The following SLC35F1 variants were observed in gnomAD, a reference collection of about 807,000 sequenced individuals.
SLC35F1 encodes chromosome 6 open reading frame 169.
SLC35F1 carries 14 observed loss-of-function variants against 48.7 expected under a neutral mutation model. The ratio of observed to expected loss-of-function variants is 0.29; its 90% CI spans 0.19 to 0.45. The LOEUF is 0.45. SLC35F1 is among the 20% of genes least tolerant of loss of function. The pLI is 1.00. For synonymous variants in SLC35F1, 190 were observed against 202.2 expected, an observed-to-expected ratio of 0.94 and a Z score of 0.51; for missense variants, 404 against 500.0, an observed-to-expected ratio of 0.81 and a Z score of 1.83.
At chr6:118,117,095 A>AG (rs1218144516) in intron 1 of SLC35F1, among the ~76,000 whole-genome samples, 1 of 152,174 alleles carries the variant, frequency 6.6e-6, no homozygotes, top group Admixed American at 6.6e-5. Flanking sequence ...CTGCCATCTG[A>AG]GGCGTTATGT....
chr6:118,082,524 G>A lies in SLC35F1; in HGVS notation c.174-71921G>A, dbSNP rs1772926665. On this transcript the variant is annotated intron_variant, in intron 1 of 7. Coordinates refer to ENST00000360388, the MANE Select transcript of SLC35F1 (RefSeq NM_001029858.4). Reference sequence around the variant, plus strand: ...GTCTGTCTTTTCCTTAAAGCTTTGTGATCAGGCTTCTTTTAGTTACAAGTA... The same window carrying A: ...GTCTGTCTTTTCCTTAAAGCTTTGTAATCAGGCTTCTTTTAGTTACAAGTA... Among the ~76,000 whole-genome samples the A allele has an allele frequency of 2.0e-5, 3 of 151,958 alleles. No individual in the cohort carries two copies. The South Asian group carries it at 6.2e-4, about 32-fold the overall frequency.
At chr6:118,067,160 A>C (rs566893462) in intron 1 of SLC35F1, among the ~76,000 whole-genome samples, 1 of 152,348 alleles carries the variant, frequency 6.6e-6, no homozygotes, top group Admixed American at 6.5e-5. Flanking sequence ...ATCATGGATC[A>C]CTGGGCAATG....
intron 1 of SLC35F1, among the ~76,000 whole-genome samples, chr6:118,086,664 G>A (rs930711593): frequency 1.3e-5 from 2 of 152,140 alleles, no homozygotes; most frequent in Non-Finnish European, 2.9e-5. Context: ...TCTAATTTAG[G>A]ATGCTCTTAT....
At chr6:118,183,086 A>T (rs1194788756) in intron 2 of SLC35F1, among the ~76,000 whole-genome samples, 1 of 152,216 alleles carries the variant, frequency 6.6e-6, no homozygotes, top group Admixed American at 6.5e-5. Context: ...AGTAAGAAGA[A>T]CTGTATGGCT....
intron 1 of SLC35F1, among the ~76,000 whole-genome samples, chr6:118,030,355 A>C (rs1227978852): frequency 2.0e-5 from 3 of 152,192 alleles, no homozygotes; most frequent in African/African-American, 7.2e-5. Context: ...GTCTCCCATC[A>C]GTGACAGCAC....
intron 2 of SLC35F1, among the ~76,000 whole-genome samples, chr6:118,196,836 G>A (rs77463939): frequency 0.018 from 2,677 of 152,084 alleles, 80 homozygotes; most frequent in African/African-American, 0.06. Flanking sequence ...TAACATTTAG[G>A]TATTTAATTC....
chr6:117,929,376 G>GATCT (rs550436126), intron 1 of SLC35F1, among the ~76,000 whole-genome samples: 9 of 151,030 alleles, frequency 6.0e-5, no homozygotes, highest in South Asian at 2.1e-4. Context: ...GTGTCAATAG[G>GATCT]ATCTATCTAT....
intron 2 of SLC35F1, among the ~76,000 whole-genome samples, chr6:118,174,367 G>A (rs548220619): frequency 9.9e-5 from 15 of 152,160 alleles, no homozygotes; most frequent in African/African-American, 3.6e-4. Flanking sequence ...GAGAGATCAG[G>A]CACCTATTTT....
At chr6:118,162,493 A>G (rs1431384522) in intron 2 of SLC35F1, among the ~76,000 whole-genome samples, 1 of 152,182 alleles carries the variant, frequency 6.6e-6, no homozygotes, top group Non-Finnish European at 1.5e-5. Context: ...TCTTCAAACT[A>G]TACACTTAAA....
At chr6:117,931,858 C>G (rs1489058820) in intron 1 of SLC35F1, among the ~76,000 whole-genome samples, 1 of 152,196 alleles carries the variant, frequency 6.6e-6, no homozygotes, top group African/African-American at 2.4e-5. Flanking sequence ...AGAGTTACCT[C>G]CAGATCAAGG....
chr6:118,218,022 G>T (rs901453616), intron 2 of SLC35F1, among the ~76,000 whole-genome samples: 8 of 152,184 alleles, frequency 5.3e-5, no homozygotes, highest in African/African-American at 1.9e-4. Flanking sequence ...CCACAGACTG[G>T]ATGGATGGCC....
chr6:118,055,209 A>G (rs1381358673), intron 1 of SLC35F1, among the ~76,000 whole-genome samples: 1 of 152,206 alleles, frequency 6.6e-6, no homozygotes, highest in African/African-American at 2.4e-5. Flanking sequence ...ATTCTACTTT[A>G]AATTTTGAAT....
intron 1 of SLC35F1, among the ~76,000 whole-genome samples, chr6:118,088,428 T>A (rs933210998): frequency 2.0e-5 from 3 of 152,162 alleles, no homozygotes; most frequent in African/African-American, 7.2e-5. Flanking sequence ...AAAAGTAGTT[T>A]CTTGGGAAAT....
intron 2 of SLC35F1, among the ~76,000 whole-genome samples, chr6:118,200,331 G>A (rs988910792): frequency 2.6e-5 from 4 of 152,074 alleles, no homozygotes; most frequent in Non-Finnish European, 5.9e-5. Context: ...GGACAACTGG[G>A]GATTTACAGC....
chr6:118,134,525 T>G (rs1478633038), intron 1 of SLC35F1, among the ~76,000 whole-genome samples: 1 of 152,186 alleles, frequency 6.6e-6, no homozygotes, highest in East Asian at 1.9e-4. Context: ...TAAATAGTGC[T>G]GAGTCCTAGA....
chr6:117,996,061 T>C (rs937229940), intron 1 of SLC35F1, among the ~76,000 whole-genome samples: 3 of 152,216 alleles, frequency 2.0e-5, no homozygotes, highest in African/African-American at 7.2e-5. Flanking sequence ...ACAAAGAGTA[T>C]CATGCACATT....
At chr6:118,193,621 G>A (rs573630639) in intron 2 of SLC35F1, among the ~76,000 whole-genome samples, 70 of 151,786 alleles carry the variant, frequency 4.6e-4, no homozygotes, top group Non-Finnish European at 8.2e-4. Flanking sequence ...TTTTTCAGTG[G>A]TCTCCATTAC....
At chr6:118,131,887 T>A (rs1382035966) in intron 1 of SLC35F1, among the ~76,000 whole-genome samples, 2 of 152,186 alleles carry the variant, frequency 1.3e-5, no homozygotes, top group East Asian at 3.9e-4. Context: ...TATGCTTAGA[T>A]CAGTGATCTT....
intron 1 of SLC35F1, among the ~76,000 whole-genome samples, chr6:117,972,098 A>T (rs1253019471): frequency 6.6e-6 from 1 of 152,146 alleles, no homozygotes; most frequent in Non-Finnish European, 1.5e-5. Context: ...CTGCTTAGAA[A>T]TTTCTTCTGC....
Sources: gnomAD v4.1 joint callset for allele counts (sites outside exome capture counted in the v4.1 genomes callset) on GRCh38, gnomAD v4.1.1 for gene constraint, MANE v1.5 for transcripts, NCBI Gene and HGNC (gene_info 2026-07-23, HGNC 2026-07-21) for gene names.